Variants in CNTN3 observed in about 807,000 individuals in gnomAD.
CNTN3 encodes the protein contactin-3.
In CNTN3, 60 loss-of-function variants were observed where a neutral mutation model predicts 119.1. That is an observed-to-expected ratio of 0.50 (90% CI 0.41 to 0.62). The LOEUF is 0.62. Among genes scored for constraint, CNTN3 ranks in the 20% least tolerant of loss-of-function variants. The probability of loss-of-function intolerance (pLI) is 0.00; values close to 1 mark genes in which losing one functional copy is unlikely to be tolerated. For missense variants in CNTN3, 1,101 were observed against 1,242.4 expected, an observed-to-expected ratio of 0.89 and a Z score of 1.71; for synonymous variants, 450 against 438.7, an observed-to-expected ratio of 1.03 and a Z score of -0.32.
intron 11 of CNTN3, among the ~76,000 whole-genome samples, chr3:74,359,568 A>G (rs1441758416): frequency 6.6e-6 from 1 of 152,152 alleles, no homozygotes; most frequent in Admixed American, 6.6e-5. Context: ...TATAGATTAA[A>G]GTATTAACTG....
chr3:74,352,161 GA>G (rs1386551549), intron 11 of CNTN3, among the ~76,000 whole-genome samples: 6 of 152,170 alleles, frequency 3.9e-5, no homozygotes, highest in Admixed American at 3.9e-4. Context: ...GACACAACTG[GA>G]ATAAAAGAAT....
At chr3:74,354,043 G>T (rs1210460387) in intron 11 of CNTN3, among the ~76,000 whole-genome samples, 1 of 151,964 alleles carries the variant, frequency 6.6e-6, no homozygotes, top group South Asian at 2.1e-4. Flanking sequence ...CAATAATACA[G>T]CATATAATGC....
chr3:74,463,586 CAGACATATCTCACAGCAGGGACA>C (rs1702409522), intron 4 of CNTN3, among the ~76,000 whole-genome samples: 1 of 152,154 alleles, frequency 6.6e-6, no homozygotes, highest in Admixed American at 6.6e-5. Context: ...GCACCTCATG[CAGACATATCTCACAGCAGGGACA>C]AGACTATCTT....
chr3:74,534,183 C>A (rs1703730435), intron 1 of CNTN3, among the ~76,000 whole-genome samples: 1 of 151,992 alleles, frequency 6.6e-6, no homozygotes, highest in African/African-American at 2.4e-5. Context: ...GAGCTTGGTG[C>A]ACTTCTTAAA....
intron 1 of CNTN3, among the ~76,000 whole-genome samples, chr3:74,585,897 G>A (rs971540577): frequency 5.9e-5 from 9 of 152,102 alleles, no homozygotes; most frequent in Non-Finnish European, 8.8e-5. Flanking sequence ...AAGAACAAAT[G>A]AGAATTGCAT....
intron 4 of CNTN3, among the ~76,000 whole-genome samples, chr3:74,425,845 G>A (rs1701687123): frequency 6.6e-6 from 1 of 151,916 alleles, no homozygotes; most frequent in African/African-American, 2.4e-5. Context: ...AGGGCTTTGT[G>A]GAAGATATAT....
intron 1 of CNTN3, among the ~76,000 whole-genome samples, chr3:74,587,191 C>A (rs1258916248): frequency 6.6e-6 from 1 of 151,922 alleles, no homozygotes; most frequent in Non-Finnish European, 1.5e-5. Context: ...CAGAAGGAGG[C>A]AGGCAGTTAA....
chr3:74,271,888 G>C (rs2106752398), intron 20 of CNTN3, among the ~76,000 whole-genome samples: 1 of 152,246 alleles, frequency 6.6e-6, no homozygotes, highest in Admixed American at 6.5e-5. Context: ...AAAGGAAATT[G>C]ACACAATGTT....
intron 1 of CNTN3, among the ~76,000 whole-genome samples, chr3:74,606,574 T>C (rs928157801): frequency 6.6e-6 from 1 of 151,768 alleles, no homozygotes; most frequent in African/African-American, 2.4e-5. Flanking sequence ...AAATAGAATA[T>C]AAAAAGTCAA....
At chr3:74,420,302 G>C (rs946910079) in intron 5 of CNTN3, among the ~76,000 whole-genome samples, 1 of 152,202 alleles carries the variant, frequency 6.6e-6, no homozygotes, top group African/African-American at 2.4e-5. Context: ...GCTGCCCCAA[G>C]TTGCTGATAC....
intron 19 of CNTN3, among the ~76,000 whole-genome samples, chr3:74,294,093 C>T (rs1345427006): frequency 6.6e-6 from 1 of 152,124 alleles, no homozygotes; most frequent in Non-Finnish European, 1.5e-5. Context: ...GGGTATGTGG[C>T]CCTGTGATGC....
At chr3:74,466,561 C>A (rs1390716839) in intron 4 of CNTN3, among the ~76,000 whole-genome samples, 1 of 152,080 alleles carries the variant, frequency 6.6e-6, no homozygotes, top group Admixed American at 6.6e-5. Flanking sequence ...AATACCTATT[C>A]TAATGGGAAC....
At chr3:74,424,404 T>TAC (rs551540468) in intron 5 of CNTN3, among the ~76,000 whole-genome samples, 5 of 95,620 alleles carry the variant, frequency 5.2e-5, no homozygotes, top group South Asian at 3.3e-4. Context: ...TATATATATA[T>TAC]ATATATAAAA....
chr3:74,295,080 A>G (rs776310144), intron 19 of CNTN3, 41 bp downstream of exon 19: 2 of 1,301,620 alleles, frequency 1.5e-6, no homozygotes, highest in Admixed American at 3.6e-5. Flanking sequence ...ACAAAGTGGC[A>G]CGGTAACACA....
intron 1 of CNTN3, among the ~76,000 whole-genome samples, chr3:74,608,009 T>C (rs1705021521): frequency 6.6e-6 from 1 of 152,200 alleles, no homozygotes; most frequent in African/African-American, 2.4e-5. Context: ...AGGACAGATA[T>C]ATACAATGTC....
chr3:74,271,421 C>A (rs756299046), intron 20 of CNTN3, among the ~76,000 whole-genome samples: 2 of 151,996 alleles, frequency 1.3e-5, no homozygotes, highest in Non-Finnish European at 1.5e-5. Context: ...TAGACTTTTT[C>A]CCCCAAATTT....
intron 5 of CNTN3, among the ~76,000 whole-genome samples, chr3:74,390,757 C>T (rs1704876910): frequency 1.3e-5 from 2 of 152,134 alleles, no homozygotes; most frequent in Admixed American, 6.5e-5. Context: ...TTCCCCAACA[C>T]AAATTACACC....
At chr3:74,485,786 C>T (rs781093103) in intron 4 of CNTN3, among the ~76,000 whole-genome samples, 16 of 151,736 alleles carry the variant, frequency 1.1e-4, no homozygotes, top group Non-Finnish European at 1.6e-4. Context: ...ATAAATTGAG[C>T]CTCTGGGTCC....
intron 11 of CNTN3, among the ~76,000 whole-genome samples, chr3:74,358,034 G>A (rs78120590): frequency 0.02 from 3,087 of 152,198 alleles, 57 homozygotes; most frequent in East Asian, 0.074. Flanking sequence ...TGATGACTGC[G>A]GCCACTCTGA....
Sources: gnomAD v4.1 joint callset for allele counts (sites outside exome capture counted in the v4.1 genomes callset) on GRCh38, gnomAD v4.1.1 for gene constraint, MANE v1.5 for transcripts, NCBI Gene and HGNC (gene_info 2026-07-23, HGNC 2026-07-21) for gene names.